The following PCDHGB2 variants were observed in gnomAD, a reference collection of about 807,000 sequenced individuals.
PCDHGB2 encodes protocadherin gamma subfamily B, 2, also known as protocadherin gamma-B2.
A neutral mutation model predicts 59.3 loss-of-function variants in PCDHGB2; 55 were observed. That is an observed-to-expected ratio of 0.93 (90% CI 0.75 to 1.16). PCDHGB2 has a LOEUF of 1.16. PCDHGB2 is among the 50% of genes most tolerant of loss of function. The pLI is 0.00. For missense variants in PCDHGB2, 1,228 were observed against 1,198.5 expected (o/e 1.02, Z -0.36); for synonymous variants, 516 against 512.0 (o/e 1.01, Z -0.11).
Position 141,398,085 on chromosome 5 carries a change from T to C in PCDHGB2, c.2421+35529T>C, listed in dbSNP as rs140389005. 4,220 of 1,598,288 alleles carry C rather than the reference T, an allele frequency of 2.6e-3. 81 individuals carry two copies. In the African/African-American group the frequency reaches 0.047, roughly 18 times the overall value. ...TACAATACAGAGGTTATTTGTAACCTGGCGTCTCCAGGCTGGTGAGCAAGC... is the reference window on the plus strand; with the variant it reads ...TACAATACAGAGGTTATTTGTAACCCGGCGTCTCCAGGCTGGTGAGCAAGC... On this transcript the variant is annotated intron_variant, in intron 1 of 3. Coordinates refer to ENST00000522605, the MANE Select transcript of PCDHGB2 (RefSeq NM_018923.3).
intron 1 of PCDHGB2, among the ~76,000 whole-genome samples, chr5:141,445,264 G>A (rs566395616): frequency 1.4e-4 from 22 of 152,276 alleles, no homozygotes; most frequent in Admixed American, 1.4e-3. Flanking sequence ...AATATAAGTC[G>A]AAACCACTCT....
rs2099396190 is a variant in PCDHGB2 at position 141,476,685 on chromosome 5, G to A, written c.2422-18122G>A. On this transcript the variant is annotated intron_variant, in intron 1 of 3. Coordinates refer to ENST00000522605, the MANE Select transcript of PCDHGB2 (RefSeq NM_018923.3). This position sits in a 1 kb window ranked among gnomAD's most constrained non-coding sequence, Gnocchi z 7.6. ...CTTCGCGTGCAGACGCGGGAGGACA[G>A]CACCAAGTACGCGGAGCTGGTGTTG... 3.1e-6 allele frequency: 5 copies of A among 1,614,102 alleles called. No homozygotes were observed.
Position 141,490,683 on chromosome 5 carries a change from A to C in PCDHGB2, c.2422-4124A>C, listed in dbSNP as rs766019662. 6 of 1,614,088 alleles carry C rather than the reference A, an allele frequency of 3.7e-6. No homozygotes were observed. The highest frequency in any genetic ancestry group is 5.1e-6 in the Non-Finnish European group (6 of 1,180,034). On this transcript the variant is annotated intron_variant, in intron 1 of 3. Transcript: ENST00000522605. The surrounding 1 kb of genome is among the most constrained non-coding windows in gnomAD (Gnocchi z 5.4). ...TTTGCACTGTGGCTGCCTCAGATCCAGACACTGGGGATAATGCCCGCCTCA... is the reference window on the plus strand; with the variant it reads ...TTTGCACTGTGGCTGCCTCAGATCCCGACACTGGGGATAATGCCCGCCTCA...
chr5:141,413,816 T>A (rs1422730893), intron 1 of PCDHGB2: 1 of 1,613,128 alleles, frequency 6.2e-7, no homozygotes, highest in Non-Finnish European at 8.5e-7. Flanking sequence ...ATTCACCACC[T>A]GGTCCTCACC....
chr5:141,421,469 G>T (rs767500900), intron 1 of PCDHGB2: 1 of 1,614,122 alleles, frequency 6.2e-7, no homozygotes, highest in South Asian at 1.1e-5. Flanking sequence ...GTGAATCCGC[G>T]AAGCGGCAGC....
At chr5:141,419,863 G>C in intron 1 of PCDHGB2, 1 of 1,614,108 alleles carries the variant, frequency 6.2e-7, no homozygotes, top group Non-Finnish European at 8.5e-7. Flanking sequence ...CAGATAGCTT[G>C]CAAGAGGTAC....
intron 3 of PCDHGB2, among the ~76,000 whole-genome samples, chr5:141,509,381 C>T (rs181928019): frequency 6.6e-6 from 1 of 152,256 alleles, no homozygotes; most frequent in East Asian, 1.9e-4. Flanking sequence ...TGTCTCCTAA[C>T]CACAGAGGAT....
chr5:141,393,712 A>G, intron 1 of PCDHGB2: 1 of 1,613,874 alleles, frequency 6.2e-7, no homozygotes, highest in Non-Finnish European at 8.5e-7. Flanking sequence ...AATACTGGGG[A>G]AATATCAATA....
intron 1 of PCDHGB2, chr5:141,370,409 C>CG (rs775733785): frequency 1.3e-6 from 2 of 1,561,734 alleles, no homozygotes; most frequent in Non-Finnish European, 1.7e-6. Context: ...GAAATAGCTC[C>CG]GGATGGAGGG....
intron 1 of PCDHGB2, chr5:141,367,582 AG>A (rs1765244187): frequency 6.6e-6 from 1 of 150,954 alleles, no homozygotes; most frequent in Non-Finnish European, 1.5e-5. Flanking sequence ...ATATCAGAAA[AG>A]TAGATAAAAT....
chr5:141,371,078 C>A (rs776361776), intron 1 of PCDHGB2: 1 of 1,613,770 alleles, frequency 6.2e-7, no homozygotes, highest in African/African-American at 1.3e-5. Context: ...CCACCCAGAT[C>A]AGGGTAATTG....
Position 141,431,423 on chromosome 5 carries a change from C to A in PCDHGB2, c.2422-63384C>A, listed in dbSNP as rs868299769. 20 of 1,613,552 alleles carry A rather than the reference C, an allele frequency of 1.2e-5. No individual in the cohort carries two copies. In the Admixed American group the frequency reaches 2.2e-4, roughly 17 times the overall value. ...GGCCTCCGACGGGGGCGACCCGGTG[C>A]GCACAGGCACCGCGCGCATCCGCGT... On this transcript the variant is annotated intron_variant, in intron 1 of 3. Coordinates refer to ENST00000522605, the MANE Select transcript of PCDHGB2 (RefSeq NM_018923.3). The surrounding 1 kb of genome is among the most constrained non-coding windows in gnomAD (Gnocchi z 4.8).
intron 1 of PCDHGB2, chr5:141,405,544 C>T: frequency 1.6e-6 from 1 of 632,908 alleles, no homozygotes; most frequent in Non-Finnish European, 2.7e-6. Context: ...CTCAGCCTCC[C>T]AAGTAGAGTA....
intron 1 of PCDHGB2, chr5:141,383,022 AG>A: frequency 6.2e-7 from 1 of 1,613,826 alleles, no homozygotes; most frequent in Non-Finnish European, 8.5e-7. Context: ...AGACGGACAA[AG>A]GGTCCTTTGT....
At chr5:141,402,993 T>C (rs762604393) in intron 1 of PCDHGB2, 3 of 1,613,752 alleles carry the variant, frequency 1.9e-6, no homozygotes, top group Non-Finnish European at 2.5e-6. Context: ...GGAAGATTAG[T>C]CCTGCTATGC....
At chr5:141,397,858 C>G in intron 1 of PCDHGB2, 2 of 559,034 alleles carry the variant, frequency 3.6e-6, no homozygotes, top group South Asian at 2.6e-5. Context: ...GCTGTAGTTT[C>G]CTAGTGCTGA....
At chr5:141,474,754 T>C (rs1351752958) in intron 1 of PCDHGB2, among the ~76,000 whole-genome samples, 4 of 152,228 alleles carry the variant, frequency 2.6e-5, no homozygotes, top group Non-Finnish European at 4.4e-5. Flanking sequence ...CCAAGACAAA[T>C]ATACAGAAAT....
At chr5:141,419,117 G>A (rs1362880648) in intron 1 of PCDHGB2, 2 of 1,613,836 alleles carry the variant, frequency 1.2e-6, no homozygotes, top group Non-Finnish European at 1.7e-6. Flanking sequence ...AGAGTACAAC[G>A]TCACCATCGC....
chr5:141,364,565 C>G, intron 1 of PCDHGB2: 1 of 1,614,114 alleles, frequency 6.2e-7, no homozygotes. Context: ...TGCCCTGAAC[C>G]CGCGAAGCGG....
Sources: gnomAD v4.1 joint callset for allele counts (sites outside exome capture counted in the v4.1 genomes callset) on GRCh38, gnomAD v4.1.1 for gene constraint, Gnocchi (gnomAD v3.1) non-coding constraint, MANE v1.5 for transcripts, NCBI Gene and HGNC (gene_info 2026-07-23, HGNC 2026-07-21) for gene names.